The following C14orf119 variants were observed in gnomAD, a reference collection of about 807,000 sequenced individuals.
C14orf119 encodes the protein chromosome 14 open reading frame 119.
A neutral mutation model predicts 13.5 loss-of-function variants in C14orf119; 17 were observed. The observed-to-expected ratio is 1.26, with a 90% confidence interval of 0.86 to 1.88. The LOEUF (loss-of-function observed/expected upper bound fraction) is 1.88, where lower values mean the gene tolerates loss of function less well. Ranked by LOEUF, C14orf119 falls within the 40% of genes most tolerant of loss-of-function variation. C14orf119 has a pLI of 0.00. For synonymous variants in C14orf119, 61 were observed against 61.9 expected (o/e 0.99, Z 0.07); for missense variants, 162 against 165.9 (o/e 0.98, Z 0.13).
At chr14:23,096,575 A>AG (rs199619004) in intron 1 of C14orf119, among the ~76,000 whole-genome samples, 10 of 142,878 alleles carry the variant, frequency 7.0e-5, no homozygotes, top group African/African-American at 2.1e-4. Flanking sequence ...AAAAAAAAAA[A>AG]ATTTTTTTTT....
At chr14:23,097,071 C>T (rs2048387674) in intron 1 of C14orf119, among the ~76,000 whole-genome samples, 1 of 152,090 alleles carries the variant, frequency 6.6e-6, no homozygotes. Context: ...TTTAACTTTT[C>T]CTGGTGCTTT....
chr14:23,096,028 G>C (rs980284920), intron 1 of C14orf119, among the ~76,000 whole-genome samples: 12 of 152,204 alleles, frequency 7.9e-5, no homozygotes, highest in African/African-American at 2.9e-4. Flanking sequence ...TTTGGTACTT[G>C]AACTAATATT....
rs1033503484 is a variant in C14orf119, at chr14:23,099,409, A to G, written c.*1328A>G. The G allele has an allele frequency of 7.3e-6, 3 of 413,512 alleles. No individual in the cohort carries two copies. Among genetic ancestry groups the G allele is most frequent in the East Asian group, 7.1e-5 (2 of 28,088 alleles). 25.6% of individuals were successfully genotyped at this position (413,512 alleles called of 1,614,324 possible). A position where few individuals can be genotyped will look rare whatever the true frequency, so the allele number is the denominator to read the frequency against. ...GGCTGTGGTTCCCATTACACCCACC[A>G]GGATTAGCAGCATTAGGCAGAGTCC... On this transcript the variant is annotated 3_prime_UTR_variant, in exon 2 of 2. Transcript: ENST00000319074.
At position 23,099,468 on chromosome 14, in the gene C14orf119, A is replaced by G; in HGVS notation, c.*1387A>G. 1 of 410,624 alleles carries G rather than the reference A, an allele frequency of 2.4e-6. No individual in the cohort carries two copies. The highest frequency in any genetic ancestry group is 4.5e-6 in the Non-Finnish European group (1 of 224,554). The allele number at this position is 410,624 out of a possible 1,614,324, so 25.4% of individuals were successfully genotyped here. On this transcript the variant is annotated 3_prime_UTR_variant, in exon 2 of 2. Transcript: ENST00000319074. ...GCCTTAGGTGGGTCATGGAGGGATT[A>G]TGGTCTGAAGTAACCAGCAACCTAG...
intron 1 of C14orf119, 81 bp downstream of exon 1, chr14:23,095,700 C>G (rs2048359330): frequency 1.7e-5 from 3 of 173,796 alleles, no homozygotes; most frequent in Admixed American, 1.7e-4. Context: ...GCCCCCCACT[C>G]CTTAACGCAA....
rs533692743 is a variant in C14orf119 at position 23,097,155 on chromosome 14, G to T, written c.-1-503G>T. The stretch of plus-strand genomic sequence containing the variant: ...TCAGAGGCTTATATGCACATTGAAG[G>T]CTCTTTCATCATAAATAATGTTTTT... On this transcript the variant is annotated intron_variant, in intron 1 of 1. Coordinates refer to ENST00000319074, the MANE Select transcript of C14orf119 (RefSeq NM_017924.4). Among the ~76,000 whole-genome samples, 15 of 129,324 alleles carry T rather than the reference G, an allele frequency of 1.2e-4. No individual in the cohort carries two copies. In the South Asian group the frequency reaches 3.2e-3, roughly 28 times the overall value. 84.8% of individuals were successfully genotyped at this position (129,324 alleles called of 152,430 possible). A position where few individuals can be genotyped will look rare whatever the true frequency, so the allele number is the denominator to read the frequency against.
Position 23,099,329 on chromosome 14 carries a change from C to T in C14orf119, c.*1248C>T. Reference sequence around the variant, plus strand: ...ACTGGGACCCTTGTGCTGTGGAGCTCTGGTGAATGGTAAGAGGCAGATGGT... The same window carrying T: ...ACTGGGACCCTTGTGCTGTGGAGCTTTGGTGAATGGTAAGAGGCAGATGGT... On this transcript the variant is annotated 3_prime_UTR_variant, in exon 2 of 2. Transcript: ENST00000319074. 1 of 413,450 alleles carries T rather than the reference C, an allele frequency of 2.4e-6. No individual in the cohort carries two copies. Among genetic ancestry groups the T allele is most frequent in the Non-Finnish European group, 4.4e-6 (1 of 226,168 alleles). 25.6% of individuals were successfully genotyped at this position (413,450 alleles called of 1,614,324 possible).
chr14:23,099,367 GTGGCTCTTTTC>G lies in C14orf119; in HGVS notation c.*1290_*1300del. ...AGAGGCAGATGGTCTCACAGGAAGA[GTGGCTCTTTTC>G]TGGTAGGCTGTGGTTCCCATTACAC... On this transcript the variant is annotated 3_prime_UTR_variant, in exon 2 of 2. Transcript: ENST00000319074. 1 of 413,468 alleles carries G rather than the reference GTGGCTCTTTTC, an allele frequency of 2.4e-6. No homozygotes were observed. The highest frequency in any genetic ancestry group is 3.6e-5 in the East Asian group (1 of 28,078). 25.6% of individuals were successfully genotyped at this position (413,468 alleles called of 1,614,324 possible).
chr14:23,096,665 C>T (rs573181346), intron 1 of C14orf119, among the ~76,000 whole-genome samples: 9 of 151,910 alleles, frequency 5.9e-5, no homozygotes, highest in African/African-American at 9.7e-5. Flanking sequence ...CAGCCTCAAC[C>T]TCCCGGGCTC....
In C14orf119 at chr14:23,097,972, G is replaced by C; in HGVS notation, c.314G>C (p.Gly105Ala). Residue 105 changes from glycine to alanine, a missense_variant, in exon 2 of 2, where the codon GGC becomes GCC. Physicochemically the swap from Gly to Ala is moderately conservative, Grantham distance 60. Transcript: ENST00000319074. The stretch of plus-strand genomic sequence containing the variant: ...CATCTTTGGGATCAGTGGTTTCGAG[G>C]CTGGGCTGAGCAGGAGCGCAATGAA... Reference protein sequence around the residue: ...QLHLWDQWFRGWAEQERNEFV... With the variant: ...QLHLWDQWFRAWAEQERNEFV... 6.2e-7 allele frequency: 1 copy of C among 1,614,214 alleles called. No individual in the cohort carries two copies. Among genetic ancestry groups the C allele is most frequent in the Non-Finnish European group, 8.5e-7 (1 of 1,180,048 alleles).
In C14orf119 at chr14:23,097,896, C is replaced by T. The variant is rs2048398454; in HGVS notation, c.238C>T (p.Leu80Phe). 6.2e-7 allele frequency: 1 copy of T among 1,614,028 alleles called. No individual in the cohort carries two copies. The highest frequency in any genetic ancestry group is 1.7e-5 in the Admixed American group (1 of 60,004). ...LQPLLDSLEQ[L>F]SVSGADRPPS... is the part of the protein sequence containing the mutation. ...ACCACTGCTGGATAGTCTGGAGCAGCTTAGTGTGTCTGGGGCAGACCGACC... is the reference window on the plus strand; with the variant it reads ...ACCACTGCTGGATAGTCTGGAGCAGTTTAGTGTGTCTGGGGCAGACCGACC... Residue 80 changes from leucine (L) to phenylalanine (F), a missense_variant, in exon 2 of 2, where the codon CTT (leucine) becomes TTT (phenylalanine). By Grantham distance (22) the Leu-to-Phe change is conservative. Transcript: ENST00000319074.
rs1433377652 is a variant in C14orf119, at chr14:23,100,431, G to C, written c.*2350G>C. 2.4e-6 allele frequency: 1 copy of C among 412,760 alleles called. No individual in the cohort carries two copies. Among genetic ancestry groups the C allele is most frequent in the Non-Finnish European group, 4.4e-6 (1 of 226,110 alleles). 25.6% of individuals were successfully genotyped at this position (412,760 alleles called of 1,614,324 possible). On this transcript the variant is annotated 3_prime_UTR_variant, in exon 2 of 2. Transcript: ENST00000319074. ...TCTAGGACAATATACACGTGAGTGA[G>C]TGCTTAATAAATTTAATTTCAAACA... is the stretch of plus-strand genomic sequence containing the variant.
intron 1 of C14orf119, among the ~76,000 whole-genome samples, chr14:23,096,983 T>C (rs1294121860): frequency 6.6e-6 from 1 of 152,206 alleles, no homozygotes; most frequent in Non-Finnish European, 1.5e-5. Context: ...TGGACTCTTT[T>C]TTAAGAACGT....
rs201163310 is a variant in C14orf119, at chr14:23,097,771, A to T, written c.113A>T (p.Glu38Val). The T allele has an allele frequency of 1.2e-6, 2 of 1,614,160 alleles. No homozygotes were observed. Among genetic ancestry groups the T allele is most frequent in the Admixed American group, 3.3e-5 (2 of 60,016 alleles). Residue 38 changes from glutamate to valine, a missense_variant, in exon 2 of 2, where the codon GAG becomes GTG. Transcript: ENST00000319074. ...PPLMSYITSQ[E>V]MKCILHWFAN... ...CTGATGTCTTACATCACCTCCCAGG[A>T]GATGAAGTGTATTCTTCACTGGTTT...
intron 1 of C14orf119, among the ~76,000 whole-genome samples, chr14:23,095,824 A>G (rs2048362195): frequency 6.6e-6 from 1 of 152,158 alleles, no homozygotes; most frequent in African/African-American, 2.4e-5. Context: ...GGGGTGCGCA[A>G]GAAGCATCGC....
chr14:23,095,867 A>G (rs532509965), intron 1 of C14orf119, among the ~76,000 whole-genome samples: 2 of 152,306 alleles, frequency 1.3e-5, no homozygotes, highest in East Asian at 3.9e-4. Flanking sequence ...GAACTGATCT[A>G]TGACGCTGAA....
rs141608576 is a variant in C14orf119 at position 23,100,149 on chromosome 14, G to A, written c.*2068G>A. On this transcript the variant is annotated 3_prime_UTR_variant, in exon 2 of 2. Transcript: ENST00000319074. The stretch of plus-strand genomic sequence containing the variant: ...TGCACCTGTAGTCCCAGCTACTTGG[G>A]AAGCTGAGGTGGGGGAATCACTTGA... The A allele has an allele frequency of 1.4e-3, 259 of 179,422 alleles. No individual in the cohort carries two copies. Among genetic ancestry groups the A allele is most frequent in the African/African-American group, 5.5e-3 (234 of 42,644 alleles). The allele number at this position is 179,422 out of a possible 1,614,324, so 11.1% of individuals were successfully genotyped here.
Position 23,098,471 on chromosome 14 carries a change from G to C in C14orf119, c.*390G>C. Reference sequence around the variant, plus strand: ...GAGAAATAAGACAGGACAATAAAAGGTGGCGTTTTTGTACTTTACCTGGAT... The same window carrying C: ...GAGAAATAAGACAGGACAATAAAAGCTGGCGTTTTTGTACTTTACCTGGAT... On this transcript the variant is annotated 3_prime_UTR_variant, in exon 2 of 2. Coordinates refer to ENST00000319074, the MANE Select transcript of C14orf119 (RefSeq NM_017924.4). 5.1e-6 allele frequency: 1 copy of C among 196,704 alleles called. No individual in the cohort carries two copies. Among genetic ancestry groups the C allele is most frequent in the South Asian group, 1.2e-4 (1 of 8,102 alleles). 12.2% of individuals were successfully genotyped at this position (196,704 alleles called of 1,614,324 possible). A position where few individuals can be genotyped will look rare whatever the true frequency, so the allele number is the denominator to read the frequency against.
In C14orf119 at chr14:23,099,976, A is replaced by G. The variant is rs1453406247; in HGVS notation, c.*1895A>G. ...AATCCCTAACAGTGCTTAAGAAAGG[A>G]AGGGGGCTGGGAGTGGTGGCAGTGG... On this transcript the variant is annotated 3_prime_UTR_variant, in exon 2 of 2. Coordinates refer to ENST00000319074, the MANE Select transcript of C14orf119 (RefSeq NM_017924.4). 4 of 167,444 alleles carry G rather than the reference A, an allele frequency of 2.4e-5. No homozygotes were observed. The highest frequency in any genetic ancestry group is 9.6e-5 in the African/African-American group (4 of 41,474). The allele number at this position is 167,444 out of a possible 1,614,324, so 10.4% of individuals were successfully genotyped here. A position where few individuals can be genotyped will look rare whatever the true frequency, so the allele number is the denominator to read the frequency against.
Sources: gnomAD v4.1 joint callset for allele counts (sites outside exome capture counted in the v4.1 genomes callset) on GRCh38, gnomAD v4.1.1 for gene constraint, MANE v1.5 for transcripts, NCBI Gene and HGNC (gene_info 2026-07-23, HGNC 2026-07-21) for gene names.